Variants in RSRC2 observed in about 807,000 individuals in gnomAD.
The protein encoded by RSRC2 is arginine and serine rich coiled-coil 2.
Under a neutral mutation model 61.3 loss-of-function variants are expected in RSRC2, and 5 were observed. That is an observed-to-expected ratio of 0.08 (90% CI 0.04 to 0.17). The LOEUF (loss-of-function observed/expected upper bound fraction) is 0.17, where lower values mean the gene tolerates loss of function less well. Ranked by LOEUF, RSRC2 falls within the 10% of genes least tolerant of loss-of-function variation. The pLI is 1.00. For synonymous variants in RSRC2, 202 were observed against 166.5 expected (o/e 1.21, Z -1.64); for missense variants, 381 against 518.8 (o/e 0.73, Z 2.58).
chr12:122,522,537 G>A (rs978815641), intron 1 of RSRC2: 1 of 331,266 alleles, frequency 3.0e-6, no homozygotes, highest in Non-Finnish European at 5.5e-6. Flanking sequence ...ATTTTCTAAC[G>A]ATGATTTGTA....
At chr12:122,526,585 G>C (rs555178146) in intron 1 of RSRC2, among the ~76,000 whole-genome samples, 6 of 152,108 alleles carry the variant, frequency 3.9e-5, no homozygotes, top group African/African-American at 1.4e-4. Context: ...GAAGTTCAGT[G>C]AGGCGAAAGG....
intron 5 of RSRC2, among the ~76,000 whole-genome samples, chr12:122,515,845 C>T (rs1259942900): frequency 6.6e-6 from 1 of 151,930 alleles, no homozygotes; most frequent in Non-Finnish European, 1.5e-5. Context: ...AAAATTTAGC[C>T]GTGCGTGATG....
Position 122,515,289 on chromosome 12 carries a change from G to A in RSRC2, c.603-62C>T, listed in dbSNP as rs1383630709. The A allele has an allele frequency of 3.3e-6, 5 of 1,524,200 alleles. No homozygotes were observed. The East Asian group carries it at 9.1e-5, about 28-fold the overall frequency. The allele number at this position is 1,524,200 out of a possible 1,614,324, so 94.4% of individuals were successfully genotyped here. A position where few individuals can be genotyped will look rare whatever the true frequency, so the allele number is the denominator to read the frequency against. ...CAAGTCATAACTATTTTGTTAATAAGAAATCAATTAGTTCAAACAAAAATC... is the reference window on the plus strand; with the variant it reads ...CAAGTCATAACTATTTTGTTAATAAAAAATCAATTAGTTCAAACAAAAATC... On this transcript the variant is annotated intron_variant, in intron 5 of 9. Transcript: ENST00000331738.
chr12:122,521,455 CCATAA>C (rs751438299), intron 2 of RSRC2, 27 bp from the exon 3 acceptor site: 6 of 1,597,174 alleles, frequency 3.8e-6, no homozygotes, highest in African/African-American at 1.3e-5. Flanking sequence ...AAAATAATCA[CCATAA>C]ACAAAGTTGG....
rs746103102 is a variant in RSRC2 at position 122,526,888 on chromosome 12, A to C, written c.-35T>G. The C allele has an allele frequency of 3.7e-6, 6 of 1,613,894 alleles. No individual in the cohort carries two copies. Among genetic ancestry groups the C allele is most frequent in the Non-Finnish European group, 5.1e-6 (6 of 1,179,744 alleles). ...TCCCGGCCGCTAGAGCGGCGCCTCCACTTGTCGCTTTCAACAGTACCGGCC... is the reference window on the plus strand; with the variant it reads ...TCCCGGCCGCTAGAGCGGCGCCTCCCCTTGTCGCTTTCAACAGTACCGGCC... On this transcript the variant is annotated 5_prime_UTR_variant, in exon 1 of 10. Coordinates refer to ENST00000331738, the MANE Select transcript of RSRC2 (RefSeq NM_023012.6).
At chr12:122,514,255 T>G (rs751495646) in intron 6 of RSRC2, among the ~76,000 whole-genome samples, 310 of 120,062 alleles carry the variant, frequency 2.6e-3, no homozygotes, top group Middle Eastern at 4.0e-3. Flanking sequence ...TATTTTTGTG[T>G]GTGTGTGTGT....
At chr12:122,515,020 C>G in intron 6 of RSRC2, 85 bp downstream of exon 6, 7 of 1,412,652 alleles carry the variant, frequency 5.0e-6, no homozygotes, top group South Asian at 3.8e-5. Flanking sequence ...GAATCATTCT[C>G]TTACTGAAAG....
chr12:122,514,264 G>GTTTTTTT (rs1362127884), intron 6 of RSRC2, among the ~76,000 whole-genome samples: 1 of 114,766 alleles, frequency 8.7e-6, no homozygotes. Flanking sequence ...GTGTGTGTGT[G>GTTTTTTT]TGTGTGTTTT....
intron 7 of RSRC2, among the ~76,000 whole-genome samples, chr12:122,510,544 T>C (rs1015560543): frequency 6.6e-6 from 1 of 151,838 alleles, no homozygotes; most frequent in Non-Finnish European, 1.5e-5. Context: ...CAACAAGATC[T>C]GTCATGATGA....
At chr12:122,525,393 AC>A (rs1421169435) in intron 1 of RSRC2, among the ~76,000 whole-genome samples, 1 of 152,124 alleles carries the variant, frequency 6.6e-6, no homozygotes, top group Non-Finnish European at 1.5e-5. Flanking sequence ...ATACAAAAAA[AC>A]CTGCAACCCA....
At chr12:122,517,938 C>A (rs1270553475) in intron 4 of RSRC2, among the ~76,000 whole-genome samples, 1 of 152,150 alleles carries the variant, frequency 6.6e-6, no homozygotes, top group African/African-American at 2.4e-5. Flanking sequence ...TGCAAAAGGA[C>A]TGTTTATCAG....
intron 1 of RSRC2, among the ~76,000 whole-genome samples, chr12:122,526,574 G>A (rs1406592936): frequency 1.3e-5 from 2 of 152,006 alleles, no homozygotes; most frequent in African/African-American, 4.8e-5. Context: ...CGAAAATGGA[G>A]GAAGTTCAGT....
chr12:122,517,486 T>TACA, intron 4 of RSRC2, 56 bp from the exon 5 acceptor site: 1 of 1,604,728 alleles, frequency 6.2e-7, no homozygotes, highest in Non-Finnish European at 8.5e-7. Flanking sequence ...GTTTCATTTA[T>TACA]ACACATCATG....
At chr12:122,510,982 G>A in intron 7 of RSRC2, 127 bp downstream of exon 7, 2 of 648,654 alleles carry the variant, frequency 3.1e-6, no homozygotes, top group Non-Finnish European at 5.2e-6. Flanking sequence ...CTGGGAGTTT[G>A]AGGCTACCAT....
In RSRC2 at chr12:122,519,016, T is replaced by C. The variant is rs775123951; in HGVS notation, c.221A>G (p.Glu74Gly). Reference sequence around the variant, plus strand: ...TTTCTTAGAGGATTTATCTTTGGATTCATGTCTTCTTCCCTGTTTTAAGAA... The same window carrying C: ...TTTCTTAGAGGATTTATCTTTGGATCCATGTCTTCTTCCCTGTTTTAAGAA... ...RSRSKEGRRH[E>G]SKDKSSKKHK... The change falls in exon 4 of 10, where the codon GAA (glutamate) becomes GGA (glycine). Residue 74 changes from glutamate to glycine, a missense_variant. Around this residue, in one of 4 missense-constraint regions of RSRC2, gnomAD observed 266 missense variants for 270.5 expected, o/e 0.98. Transcript: ENST00000331738. 1 of 1,613,346 alleles carries C rather than the reference T, an allele frequency of 6.2e-7. No homozygotes were observed. Among genetic ancestry groups the C allele is most frequent in the Non-Finnish European group, 8.5e-7 (1 of 1,179,842 alleles).
At chr12:122,525,013 C>G (rs377540490) in intron 1 of RSRC2, among the ~76,000 whole-genome samples, 2 of 152,112 alleles carry the variant, frequency 1.3e-5, no homozygotes, top group Non-Finnish European at 2.9e-5. Context: ...TAGGTCACTT[C>G]TCTAGGGGAC....
rs1185196565 is a variant in RSRC2 at position 122,505,844 on chromosome 12, TCTCGG to T, written c.1126-143_1126-139del. The T allele has an allele frequency of 6.8e-5, 46 of 674,612 alleles. No homozygotes were observed. The African/African-American group carries it at 7.7e-4, about 11-fold the overall frequency. 41.8% of individuals were successfully genotyped at this position (674,612 alleles called of 1,614,324 possible). ...TCCCGTCTGGAGTGCAGTGGTGCCA[TCTCGG>T]CTCACTGCAACCTCTGCCTCCTGGG... On this transcript the variant is annotated intron_variant, in intron 9 of 9. Transcript: ENST00000331738.
intron 1 of RSRC2, among the ~76,000 whole-genome samples, chr12:122,525,091 C>T (rs1316843652): frequency 6.6e-6 from 1 of 151,976 alleles, no homozygotes; most frequent in Non-Finnish European, 1.5e-5. Flanking sequence ...TACTAGAACC[C>T]GGCCGGGCGC....
chr12:122,512,008 A>G (rs762071397), intron 6 of RSRC2, among the ~76,000 whole-genome samples: 1 of 151,956 alleles, frequency 6.6e-6, no homozygotes, highest in East Asian at 1.9e-4. Flanking sequence ...GGTTTCACCA[A>G]TGTTGGTCAG....
Sources: gnomAD v4.1 joint callset for allele counts (sites outside exome capture counted in the v4.1 genomes callset) on GRCh38, gnomAD v4.1.1 for gene constraint, gnomAD v4.1.1 regional missense constraint, MANE v1.5 for transcripts, NCBI Gene and HGNC (gene_info 2026-07-23, HGNC 2026-07-21) for gene names.